The following FBXW8 variants were observed in gnomAD, a reference collection of about 807,000 sequenced individuals.
FBXW8 encodes F-box/WD repeat-containing protein 8.
FBXW8 carries 57 observed loss-of-function variants against 65.3 expected under a neutral mutation model. That is an observed-to-expected ratio of 0.87 (90% CI 0.71 to 1.09). FBXW8 has a LOEUF of 1.09. Among genes scored for constraint, FBXW8 ranks in the 50% least tolerant of loss-of-function variants. The probability of loss-of-function intolerance (pLI) is 0.00; values close to 1 mark genes in which losing one functional copy is unlikely to be tolerated. For synonymous variants in FBXW8, 308 were observed against 330.2 expected, an observed-to-expected ratio of 0.93 and a Z score of 0.73; for missense variants, 777 against 814.8, an observed-to-expected ratio of 0.95 and a Z score of 0.57.
chr12:117,027,296 G>A (rs1239319832), intron 9 of FBXW8, 98 bp from the exon 10 acceptor site: 1 of 885,210 alleles, frequency 1.1e-6, no homozygotes, highest in Non-Finnish European at 1.9e-6. Context: ...AGCTTTATGG[G>A]TTCTAGAATC....
intron 3 of FBXW8, 30 bp from the exon 4 acceptor site, chr12:116,949,588 C>G: frequency 3.1e-6 from 5 of 1,608,760 alleles, no homozygotes; most frequent in Non-Finnish European, 4.3e-6. Context: ...CGAGAGCAGT[C>G]TAAACTGCAT....
intron 2 of FBXW8, among the ~76,000 whole-genome samples, chr12:116,944,935 AC>A (rs1882833087): frequency 6.6e-6 from 1 of 152,196 alleles, no homozygotes; most frequent in African/African-American, 2.4e-5. Flanking sequence ...TAATTTTATG[AC>A]AGCCTTTGAT....
chr12:116,991,063 T>C (rs1009523041), intron 7 of FBXW8, among the ~76,000 whole-genome samples: 5 of 152,188 alleles, frequency 3.3e-5, no homozygotes, highest in African/African-American at 1.2e-4. Flanking sequence ...TGGAAATAAA[T>C]TTGCTGCAAG....
intron 2 of FBXW8, among the ~76,000 whole-genome samples, chr12:116,942,878 A>G (rs989341532): frequency 2.7e-5 from 4 of 147,040 alleles, no homozygotes; most frequent in African/African-American, 1.0e-4. Context: ...CCCGGGTTCA[A>G]ATGATTTTCC....
chr12:116,912,451 C>CTTT (rs34430069), intron 1 of FBXW8, among the ~76,000 whole-genome samples: 2,187 of 86,366 alleles, frequency 0.025, 134 homozygotes, highest in African/African-American at 0.078. Flanking sequence ...GAGAATCATT[C>CTTT]TTTTTTTTTT....
At chr12:116,980,148 C>G (rs1885210461) in intron 5 of FBXW8, 1 of 152,176 alleles carries the variant, frequency 6.6e-6, no homozygotes, top group Admixed American at 6.5e-5. Context: ...TCTCCATGTA[C>G]CCAGGGATGA....
At chr12:117,018,093 C>T (rs1044091868) in intron 8 of FBXW8, among the ~76,000 whole-genome samples, 6 of 152,166 alleles carry the variant, frequency 3.9e-5, no homozygotes, top group Non-Finnish European at 7.3e-5. Context: ...AGCACGTTTT[C>T]CTGCCCATCA....
At chr12:116,951,534 T>A (rs926567303) in intron 4 of FBXW8, 2 of 152,248 alleles carry the variant, frequency 1.3e-5, no homozygotes, top group Non-Finnish European at 2.9e-5. Context: ...CTTTTTTCCT[T>A]CCCTTTTCTC....
At chr12:116,990,849 T>C (rs1953222178) in intron 7 of FBXW8, among the ~76,000 whole-genome samples, 2 of 152,092 alleles carry the variant, frequency 1.3e-5, no homozygotes, top group South Asian at 4.1e-4. Flanking sequence ...AAATCCTTGG[T>C]TAAAAATGTA....
chr12:116,932,167 G>A (rs1436717400), intron 2 of FBXW8, among the ~76,000 whole-genome samples: 1 of 152,118 alleles, frequency 6.6e-6, no homozygotes, highest in African/African-American at 2.4e-5. Flanking sequence ...TTTTTCGTAA[G>A]TTAAATGGGT....
intron 2 of FBXW8, among the ~76,000 whole-genome samples, chr12:116,935,369 T>A (rs1179703720): frequency 6.6e-6 from 1 of 152,230 alleles, no homozygotes; most frequent in Non-Finnish European, 1.5e-5. Flanking sequence ...ATAATCTTAA[T>A]GAAGTCTGTG....
At chr12:116,990,501 A>G (rs1166847437) in intron 7 of FBXW8, among the ~76,000 whole-genome samples, 3 of 151,716 alleles carry the variant, frequency 2.0e-5, no homozygotes, top group Non-Finnish European at 4.4e-5. Flanking sequence ...TTTGCTTTCT[A>G]ATTTTTCATC....
In FBXW8 at chr12:116,985,087, G is replaced by A. The variant is rs1885569968; in HGVS notation, c.836-119G>A. The A allele has an allele frequency of 4.1e-6, 3 of 740,106 alleles. No individual in the cohort carries two copies. In the South Asian group the frequency reaches 6.3e-5, roughly 16 times the overall value. 45.8% of individuals were successfully genotyped at this position (740,106 alleles called of 1,614,324 possible). ...CGTAAGTGATTTCGTGTTTAGACTTGGGTCTCATTTCCAAGGTATCTCCGT... is the reference window on the plus strand; with the variant it reads ...CGTAAGTGATTTCGTGTTTAGACTTAGGTCTCATTTCCAAGGTATCTCCGT... On this transcript the variant is annotated intron_variant, in intron 5 of 10. Coordinates refer to ENST00000652555, the MANE Select transcript of FBXW8 (RefSeq NM_153348.3).
In FBXW8 at chr12:116,915,018, A is replaced by G. The variant is rs910836699; in HGVS notation, c.318+3663A>G. Among the ~76,000 whole-genome samples the G allele has an allele frequency of 7.9e-5, 12 of 152,262 alleles. No individual in the cohort carries two copies. In the South Asian group the frequency reaches 2.3e-3, roughly 29 times the overall value. On this transcript the variant is annotated intron_variant, in intron 1 of 10. Coordinates refer to ENST00000652555, the MANE Select transcript of FBXW8 (RefSeq NM_153348.3). ...ATTATCGTCTTCATTTCTCCCAACAACTCTCTCCAGTGGCTATTTTCAACT... is the reference window on the plus strand; with the variant it reads ...ATTATCGTCTTCATTTCTCCCAACAGCTCTCTCCAGTGGCTATTTTCAACT...
At chr12:116,999,937 G>C (rs550976031) in intron 7 of FBXW8, among the ~76,000 whole-genome samples, 1 of 151,612 alleles carries the variant, frequency 6.6e-6, no homozygotes, top group Non-Finnish European at 1.5e-5. Context: ...TTGAGCATCA[G>C]AGCTCTGGCC....
intron 4 of FBXW8, among the ~76,000 whole-genome samples, chr12:116,962,389 G>T (rs1204704873): frequency 1.3e-5 from 2 of 152,106 alleles, no homozygotes; most frequent in African/African-American, 4.8e-5. Flanking sequence ...CTGTCATTTT[G>T]GCTCCGAACT....
intron 7 of FBXW8, among the ~76,000 whole-genome samples, chr12:116,989,782 G>A (rs1001899164): frequency 5.3e-5 from 8 of 152,218 alleles, no homozygotes; most frequent in African/African-American, 1.2e-4. Flanking sequence ...GCGAAGGAAC[G>A]TGTCTGGGCC....
At chr12:116,979,003 C>A (rs1317641824) in intron 5 of FBXW8, 3 of 152,074 alleles carry the variant, frequency 2.0e-5, no homozygotes, top group African/African-American at 7.2e-5. Context: ...CAAACAGAAG[C>A]AGCTAATTGT....
intron 7 of FBXW8, among the ~76,000 whole-genome samples, chr12:116,993,208 G>A (rs59623332): frequency 0.069 from 10,011 of 145,370 alleles, 801 homozygotes; most frequent in African/African-American, 0.2. Context: ...GGTTCAAGCA[G>A]TTCTCCAGCC....
Sources: allele counts gnomAD v4.1 joint callset (sites outside exome capture counted in the v4.1 genomes callset), GRCh38; gene constraint gnomAD v4.1.1; transcripts MANE v1.5; gene names NCBI Gene and HGNC (gene_info 2026-07-23, HGNC 2026-07-21).